IL1RAPL1: variants seen among roughly 807,000 people sequenced by gnomAD.
IL1RAPL1 encodes interleukin-1 receptor accessory protein-like 1.
In IL1RAPL1, 3 loss-of-function variants were observed where a neutral mutation model predicts 48.4. The observed-to-expected ratio is 0.06, with a 90% CI of 0.03 to 0.16. The LOEUF is 0.16. Among genes scored for constraint, IL1RAPL1 ranks in the 10% least tolerant of loss-of-function variants. The pLI, the probability that IL1RAPL1 is intolerant of heterozygous loss-of-function variation, is 1.00. For synonymous variants in IL1RAPL1, 185 were observed against 187.7 expected (o/e 0.99, Z 0.12); for missense variants, 349 against 530.6 (o/e 0.66, Z 3.36).
intron 3 of IL1RAPL1, among the ~76,000 whole-genome samples, chrX:29,356,627 C>T (rs1341570755): frequency 9.0e-6 from 1 of 110,715 alleles, no homozygotes; most frequent in African/African-American, 3.3e-5. Flanking sequence ...CGTGGTTCTC[C>T]ATAGTGGGCA....
chrX:29,954,097 G>A (rs1660092742), intron 9 of IL1RAPL1, among the ~76,000 whole-genome samples: 1 of 108,693 alleles, frequency 9.2e-6, no homozygotes, highest in African/African-American at 3.4e-5. Flanking sequence ...TTAGCTGGGT[G>A]TGGTGACGTG....
chrX:29,785,773 C>T (rs932280188), intron 6 of IL1RAPL1, among the ~76,000 whole-genome samples: 1 of 111,593 alleles, frequency 9.0e-6, no homozygotes, highest in African/African-American at 3.3e-5. Context: ...GAATTTCAAA[C>T]CATTCTCTTG....
intron 5 of IL1RAPL1, among the ~76,000 whole-genome samples, chrX:29,405,401 C>G (rs1173469766): frequency 1.0e-5 from 1 of 97,662 alleles, no homozygotes; most frequent in Admixed American, 1.0e-4. Flanking sequence ...GAGTCTCGCT[C>G]TGTCGCCCAG....
intron 5 of IL1RAPL1, among the ~76,000 whole-genome samples, chrX:29,441,076 C>T (rs1300158683): frequency 9.0e-6 from 1 of 110,626 alleles, no homozygotes; most frequent in Non-Finnish European, 1.9e-5. Flanking sequence ...TTATTATCTA[C>T]TTTTTACAAC....
chrX:29,421,521 T>G (rs188996059), intron 5 of IL1RAPL1, among the ~76,000 whole-genome samples: 2 of 103,290 alleles, frequency 1.9e-5, no homozygotes, highest in African/African-American at 7.2e-5. Flanking sequence ...GCAAAAAACA[T>G]ACACAGGAAA....
chrX:29,124,081 C>A (rs191492667), intron 2 of IL1RAPL1, among the ~76,000 whole-genome samples: 284 of 111,638 alleles, frequency 2.5e-3, no homozygotes, highest in Admixed American at 4.3e-3. Flanking sequence ...CATTTCCCTT[C>A]ATCACTTTTT....
intron 2 of IL1RAPL1, among the ~76,000 whole-genome samples, chrX:29,155,272 A>G (rs1375656561): frequency 1.8e-5 from 2 of 111,728 alleles, no homozygotes; most frequent in Admixed American, 9.5e-5. Context: ...TCAGCCTCCC[A>G]AAGTGCTGGG....
intron 2 of IL1RAPL1, among the ~76,000 whole-genome samples, chrX:29,261,016 TATA>T (rs1219538919): frequency 2.2e-4 from 24 of 107,989 alleles, no homozygotes; most frequent in Non-Finnish European, 4.0e-4. Context: ...ATATAATAAA[TATA>T]GTATAACTGA....
At chrX:29,950,543 C>G (rs1036841592) in intron 9 of IL1RAPL1, among the ~76,000 whole-genome samples, 1 of 111,453 alleles carries the variant, frequency 9.0e-6, no homozygotes, top group Non-Finnish European at 1.9e-5. Context: ...AATATAAATT[C>G]TAGGAACCTA....
At chrX:29,672,377 A>G (rs770498627) in intron 6 of IL1RAPL1, among the ~76,000 whole-genome samples, 1 of 111,888 alleles carries the variant, frequency 8.9e-6, no homozygotes, top group East Asian at 2.8e-4. Context: ...TAATAAAAGT[A>G]TATCTTTATA....
chrX:28,660,183 T>C (rs1196851164), intron 1 of IL1RAPL1, among the ~76,000 whole-genome samples: 6 of 107,686 alleles, frequency 5.6e-5, no homozygotes, highest in African/African-American at 1.7e-4. Context: ...ACTCTAGTTA[T>C]TTCTGTTTTC....
intron 1 of IL1RAPL1, among the ~76,000 whole-genome samples, chrX:28,719,295 G>A (rs934512678): frequency 2.7e-5 from 3 of 110,943 alleles, no homozygotes; most frequent in Non-Finnish European, 5.7e-5. Context: ...TAATAAAAGT[G>A]TAAAGAGCAC....
intron 6 of IL1RAPL1, among the ~76,000 whole-genome samples, chrX:29,716,665 C>G (rs1927493526): frequency 8.9e-6 from 1 of 111,788 alleles, no homozygotes; most frequent in South Asian, 3.7e-4. Context: ...AATGAGAAAG[C>G]TGTCACTATT....
intron 2 of IL1RAPL1, among the ~76,000 whole-genome samples, chrX:28,847,655 T>C (rs1185878033): frequency 9.0e-6 from 1 of 110,997 alleles, no homozygotes; most frequent in African/African-American, 3.3e-5. Context: ...TTGCACTTGC[T>C]GTTCCTTTTG....
intron 2 of IL1RAPL1, among the ~76,000 whole-genome samples, chrX:28,836,373 A>ATAT (rs1569183041): frequency 1.1e-5 from 1 of 94,040 alleles, no homozygotes; most frequent in African/African-American, 5.2e-5. Flanking sequence ...TGACAGAGAG[A>ATAT]GAGAGAGAGA....
At chrX:28,939,665 C>T (rs762163958) in intron 2 of IL1RAPL1, among the ~76,000 whole-genome samples, 2 of 111,241 alleles carry the variant, frequency 1.8e-5, no homozygotes, top group East Asian at 5.6e-4. Context: ...TCCACATGTA[C>T]CCCTGTACCT....
intron 5 of IL1RAPL1, among the ~76,000 whole-genome samples, chrX:29,458,530 A>G (rs1934765979): frequency 8.9e-6 from 1 of 112,022 alleles, no homozygotes; most frequent in Non-Finnish European, 1.9e-5. Flanking sequence ...ACATTGAAGT[A>G]AACAGTAGTT....
At chrX:29,891,565 C>A in intron 6 of IL1RAPL1, among the ~76,000 whole-genome samples, 1 of 111,464 alleles carries the variant, frequency 9.0e-6, no homozygotes, top group African/African-American at 3.3e-5. Context: ...TGGTTATATT[C>A]ATGTAGGTTT....
chrX:28,694,663 A>T (rs1418192824), intron 1 of IL1RAPL1, among the ~76,000 whole-genome samples: 2 of 112,306 alleles, frequency 1.8e-5, no homozygotes, highest in African/African-American at 6.5e-5. Flanking sequence ...TAGATAAGCA[A>T]TGCATAAATG....
Sources: allele counts gnomAD v4.1 joint callset (sites outside exome capture counted in the v4.1 genomes callset), GRCh38; gene constraint gnomAD v4.1.1; transcripts MANE v1.5; gene names NCBI Gene and HGNC (gene_info 2026-07-23, HGNC 2026-07-21).